LOC101059915: variants seen among roughly 807,000 people sequenced by gnomAD.
the LOC101059915 span, chrX:71,668,200 A>G: frequency 1.8e-6 from 2 of 1,121,575 alleles, no homozygotes; most frequent in Middle Eastern, 3.5e-4. Flanking sequence ...CAAAGGGTCC[A>G]CTGACATCTG....
the LOC101059915 span, chrX:71,669,519 C>T: frequency 1.0e-6 from 1 of 953,654 alleles, no homozygotes; most frequent in Non-Finnish European, 1.3e-6. Context: ...ACTCACCGCC[C>T]GTCCCCACTG....
chrX:71,668,506 G>A, the LOC101059915 span: 251 of 1,148,313 alleles, frequency 2.2e-4, 1 homozygote, highest in Middle Eastern at 2.6e-4. Flanking sequence ...GGCCAAGCCC[G>A]GAAGCCCCAA....
At chrX:71,668,090 C>T in the LOC101059915 span, 30 of 1,147,488 alleles carry the variant, frequency 2.6e-5, no homozygotes, top group Non-Finnish European at 3.5e-5. Flanking sequence ...GACGACCAAG[C>T]GGGTGGTGGG....
chrX:71,670,698 G>T, the LOC101059915 span: 14 of 1,110,691 alleles, frequency 1.3e-5, no homozygotes, highest in African/African-American at 1.5e-4. Context: ...GGACAGCGGT[G>T]TCGTTCTGCA....
chrX:71,668,464 A>G, the LOC101059915 span: 1 of 1,160,498 alleles, frequency 8.6e-7, no homozygotes, highest in Non-Finnish European at 1.1e-6. Context: ...ACCGGTGATT[A>G]GGGTGATCAT....
chrX:71,670,604 T>G, the LOC101059915 span: 3 of 1,102,710 alleles, frequency 2.7e-6, no homozygotes, highest in South Asian at 4.7e-5. Context: ...TGGTGTCTCC[T>G]GGGCTAGTGC....
chrX:71,668,379 C>A, the LOC101059915 span: 2 of 1,147,817 alleles, frequency 1.7e-6, no homozygotes, highest in African/African-American at 1.8e-5. Flanking sequence ...AAGTGGATCC[C>A]CAGCAGCCCT....
At chrX:71,669,067 CCTT>C in the LOC101059915 span, 5 of 1,131,968 alleles carry the variant, frequency 4.4e-6, no homozygotes, top group Non-Finnish European at 3.5e-6. Flanking sequence ...GCGCACTCCT[CCTT>C]CTCCTCCTTG....
chrX:71,671,206 G>T, the LOC101059915 span: 1 of 1,165,485 alleles, frequency 8.6e-7, no homozygotes, highest in East Asian at 3.3e-5. Context: ...CTCTGTTTCA[G>T]CTGCCATGCA....
the LOC101059915 span, chrX:71,669,041 T>G: frequency 8.6e-7 from 1 of 1,156,772 alleles, no homozygotes; most frequent in South Asian, 2.0e-5. Context: ...AGGGCCCAAG[T>G]GAGTAGGTTC....
At chrX:71,670,817 C>T in the LOC101059915 span, 1 of 752,166 alleles carries the variant, frequency 1.3e-6, no homozygotes, top group African/African-American at 2.3e-5. Flanking sequence ...TGTGCCTTTT[C>T]AGCTAGGGGT....
the LOC101059915 span, chrX:71,667,626 A>G: frequency 8.4e-6 from 3 of 358,760 alleles, no homozygotes; most frequent in Non-Finnish European, 1.3e-5. Context: ...GGTGTCCCAA[A>G]GGCCTTGCTG....
At chrX:71,669,595 G>T in the LOC101059915 span, 3 of 962,613 alleles carry the variant, frequency 3.1e-6, no homozygotes, top group Non-Finnish European at 3.9e-6. Flanking sequence ...TTCTCTGTCC[G>T]TGCGTCGTGG....
At chrX:71,667,900 C>A in the LOC101059915 span, 3 of 1,121,342 alleles carry the variant, frequency 2.7e-6, no homozygotes, top group Non-Finnish European at 3.5e-6. Context: ...GGGAGCCCCA[C>A]GGGGTGACGG....
At chrX:71,669,797 G>A in the LOC101059915 span, 2 of 893,530 alleles carry the variant, frequency 2.2e-6, no homozygotes, top group Non-Finnish European at 2.9e-6. Flanking sequence ...TGGGGGCTTA[G>A]CTGTGCTCCC....
At chrX:71,671,340 GCT>G in the LOC101059915 span, 1 of 948,167 alleles carries the variant, frequency 1.1e-6, no homozygotes, top group Non-Finnish European at 1.4e-6. Flanking sequence ...TCCCTGAGCT[GCT>G]CTGTTTCACA....
At chrX:71,670,411 G>A in the LOC101059915 span, 5 of 1,155,672 alleles carry the variant, frequency 4.3e-6, no homozygotes, top group Non-Finnish European at 5.8e-6. Flanking sequence ...AACTAATTTC[G>A]GTGTCTCCCC....
At chrX:71,670,349 G>A in the LOC101059915 span, 2 of 1,165,391 alleles carry the variant, frequency 1.7e-6, no homozygotes, top group Non-Finnish European at 2.3e-6. Flanking sequence ...TGCTTTGTGT[G>A]GCTCCTAGAA....
the LOC101059915 span, chrX:71,668,088 A>G: frequency 6.3e-4 from 725 of 1,149,151 alleles, 3 homozygotes; most frequent in African/African-American, 0.011. Flanking sequence ...TCGACGACCA[A>G]GCGGGTGGTG....
Sources: allele counts gnomAD v4.1 joint callset, GRCh38; gene constraint gnomAD v4.1.1; transcripts MANE v1.5.